SOS1: variants seen among roughly 807,000 people sequenced by gnomAD.
SOS1 encodes SOS Ras/Rac guanine nucleotide exchange factor 1, also known as son of sevenless homolog 1.
Under a neutral mutation model 157.6 loss-of-function variants are expected in SOS1, and 25 were observed. The ratio of observed to expected loss-of-function variants is 0.16; its 90% confidence interval spans 0.12 to 0.22. The LOEUF (loss-of-function observed/expected upper bound fraction) is 0.22. SOS1 is among the 10% of genes least tolerant of loss of function. SOS1 has a pLI of 1.00. For missense variants in SOS1, 1,237 were observed against 1,599.1 expected, an observed-to-expected ratio of 0.77 and a Z score of 3.86; for synonymous variants, 528 against 534.0, an observed-to-expected ratio of 0.99 and a Z score of 0.16.
chr2:39,045,273 A>AGT (rs60673777), intron 6 of SOS1, among the ~76,000 whole-genome samples: 5,437 of 108,084 alleles, frequency 0.05, 164 homozygotes, highest in Admixed American at 0.056. Flanking sequence ...AGAGAGAGAG[A>AGT]GTGTGTGTGT....
chr2:39,035,501 CT>C lies in SOS1; in HGVS notation c.865-2del. 6.3e-7 allele frequency: 1 copy of C among 1,597,362 alleles called. No homozygotes were observed. The highest frequency in any genetic ancestry group is 8.6e-7 in the Non-Finnish European group (1 of 1,164,966). ...ATTCATATGGATCAAATGCCAGTTC[CT>C]TAGAAAATAAAGAAGGTAAAACATA... On this transcript the variant is annotated splice_acceptor_variant, in intron 6 of 22. Coordinates refer to ENST00000402219, the MANE Select transcript of SOS1 (RefSeq NM_005633.4). LOFTEE classifies it high-confidence loss of function.
chr2:38,997,052 A>C lies in SOS1; in HGVS notation c.2965-14T>G. The stretch of plus-strand genomic sequence containing the variant: ...TTCAAAGAACCTCTAAAATAAATGC[A>C]AAGAAAAAATTATTAATATTCAAAA... On this transcript the variant is annotated splice_polypyrimidine_tract_variant and intron_variant, in intron 18 of 22. Coordinates refer to ENST00000402219, the MANE Select transcript of SOS1 (RefSeq NM_005633.4). The C allele has an allele frequency of 7.4e-7, 1 of 1,359,088 alleles. No homozygotes were observed. The highest frequency in any genetic ancestry group is 1.0e-6 in the Non-Finnish European group (1 of 955,272). The allele number at this position is 1,359,088 out of a possible 1,614,324, so 84.2% of individuals were successfully genotyped here.
In SOS1 at chr2:38,985,323, C is replaced by T. The variant is rs954110342; in HGVS notation, c.*501G>A. The T allele has an allele frequency of 2.2e-5, 4 of 182,336 alleles. No homozygotes were observed. Among genetic ancestry groups the T allele is most frequent in the African/African-American group, 7.2e-5 (3 of 41,794 alleles). The allele number at this position is 182,336 out of a possible 1,614,324, so 11.3% of individuals were successfully genotyped here. ...ATTTCAACAAGGTCAGGTACCACAGCCTTTCCTCACAGTCCTTTGAGTGAT... is the reference window on the plus strand; with the variant it reads ...ATTTCAACAAGGTCAGGTACCACAGTCTTTCCTCACAGTCCTTTGAGTGAT... On this transcript the variant is annotated 3_prime_UTR_variant, in exon 23 of 23. Transcript: ENST00000402219.
chr2:39,012,286 T>C lies in SOS1; in HGVS notation c.2230A>G (p.Arg744Gly), dbSNP rs1669494952. 1.2e-6 allele frequency: 2 copies of C among 1,613,530 alleles called. No individual in the cohort carries two copies. Among genetic ancestry groups the C allele is most frequent in the Non-Finnish European group, 1.7e-6 (2 of 1,179,552 alleles). ...TKIIQRKKIA[R>G]DNGPGHNITF... is the part of the protein sequence containing the mutation. The stretch of plus-strand genomic sequence containing the variant: ...ATATTATGACCTGGTCCATTGTCTC[T>C]TGCAATTTTTTTCCTTTGGATTATT... The change falls in exon 14 of 23, where the codon AGA becomes GGA. Residue 744 changes from arginine (R) to glycine (G), a missense_variant. Arg to Gly is a moderately radical substitution (Grantham distance 125). Transcript: ENST00000402219.
rs746996312 is a variant in SOS1, at chr2:39,067,792, A to G, written c.88-39T>C. The G allele has an allele frequency of 1.5e-5, 24 of 1,590,612 alleles. No homozygotes were observed. The African/African-American group carries it at 2.8e-4, about 19-fold the overall frequency. The stretch of plus-strand genomic sequence containing the variant: ...GCAAAGTAATTAAAATGTGGGTTCC[A>G]TATCATTAAACAAATTTTTAAAACT... On this transcript the variant is annotated intron_variant, in intron 1 of 22. Coordinates refer to ENST00000402219, the MANE Select transcript of SOS1 (RefSeq NM_005633.4).
intron 5 of SOS1, 82 bp downstream of exon 5, chr2:39,054,532 G>A: frequency 3.8e-6 from 3 of 799,816 alleles, no homozygotes; most frequent in South Asian, 1.5e-5. Flanking sequence ...TAGTAATGAT[G>A]AACTGTACAA....
chr2:39,022,551 G>A lies in SOS1; in HGVS notation c.1858+19C>T, dbSNP rs749188813. 62 of 1,597,206 alleles carry A rather than the reference G, an allele frequency of 3.9e-5. No individual in the cohort carries two copies. The highest frequency in any genetic ancestry group is 1.2e-5 in the Non-Finnish European group (14 of 1,165,206). On this transcript the variant is annotated intron_variant, in intron 10 of 22. Transcript: ENST00000402219. ...TGAAGCAGGAAAACAAAAGTGACAG[G>A]CAACTGCATAATTCTTACCTGCGTA...
chr2:39,025,491 G>C (rs1014432109), intron 8 of SOS1, among the ~76,000 whole-genome samples: 1 of 151,398 alleles, frequency 6.6e-6, no homozygotes, highest in African/African-American at 2.4e-5. Context: ...CTGCGATTAC[G>C]GGTGTCTGTC....
chr2:38,986,459 T>A, intron 22 of SOS1, 144 bp from the exon 23 acceptor site: 1 of 839,508 alleles, frequency 1.2e-6, no homozygotes, highest in Non-Finnish European at 1.8e-6. Context: ...GTTTTCTTTT[T>A]AATTAAAAAA....
chr2:38,992,737 C>T (rs1668771190), intron 20 of SOS1: 1 of 152,118 alleles, frequency 6.6e-6, no homozygotes, highest in Admixed American at 6.6e-5. Context: ...AGGCCTATAG[C>T]TGTCTGCTCT....
Position 39,120,630 on chromosome 2 carries a change from C to T in SOS1, c.-208G>A, listed in dbSNP as rs1673842860. 2 of 338,008 alleles carry T rather than the reference C, an allele frequency of 5.9e-6. No individual in the cohort carries two copies. Among genetic ancestry groups the T allele is most frequent in the Non-Finnish European group, 8.3e-6 (2 of 240,522 alleles). The allele number at this position is 338,008 out of a possible 1,614,324, so 20.9% of individuals were successfully genotyped here. On this transcript the variant is annotated 5_prime_UTR_variant, in exon 1 of 23. Transcript: ENST00000402219. ...GCCACCCACCCGACACAGGTACCAG[C>T]CGTGGAGAACGGACGCGGCCCGGAG...
intron 1 of SOS1, among the ~76,000 whole-genome samples, chr2:39,103,456 T>C (rs557639991): frequency 2.6e-5 from 4 of 152,088 alleles, no homozygotes; most frequent in Admixed American, 6.5e-5. Context: ...CATAGACATA[T>C]AGACCAACAG....
chr2:39,068,387 T>G (rs1671664314), intron 1 of SOS1, among the ~76,000 whole-genome samples: 1 of 152,202 alleles, frequency 6.6e-6, no homozygotes, highest in Non-Finnish European at 1.5e-5. Context: ...AGGAACCAGT[T>G]AGAACATTTA....
intron 15 of SOS1, 94 bp from the exon 16 acceptor site, chr2:39,007,287 A>AG (rs1005120652): frequency 1.2e-5 from 10 of 842,850 alleles, no homozygotes; most frequent in Non-Finnish European, 2.0e-5. Context: ...TGTAGAGAGT[A>AG]GGGGGGTGGC....
intron 1 of SOS1, among the ~76,000 whole-genome samples, chr2:39,098,787 G>A (rs749295191): frequency 1.1e-4 from 17 of 152,182 alleles, no homozygotes; most frequent in Non-Finnish European, 2.4e-4. Flanking sequence ...TACTCAGGAG[G>A]CTGAGGCAGG....
At chr2:39,090,585 A>T (rs1468259677) in intron 1 of SOS1, among the ~76,000 whole-genome samples, 1 of 152,060 alleles carries the variant, frequency 6.6e-6, no homozygotes, top group Non-Finnish European at 1.5e-5. Context: ...AATCCCAGCT[A>T]CTAGACAGGC....
At chr2:39,032,675 C>G (rs1387560766) in intron 8 of SOS1, among the ~76,000 whole-genome samples, 1 of 152,108 alleles carries the variant, frequency 6.6e-6, no homozygotes, top group Non-Finnish European at 1.5e-5. Flanking sequence ...AAGGAAGGAA[C>G]TCACTCTGGG....
At chr2:39,029,790 T>C (rs1670094044) in intron 8 of SOS1, among the ~76,000 whole-genome samples, 2 of 152,204 alleles carry the variant, frequency 1.3e-5, no homozygotes, top group South Asian at 4.1e-4. Flanking sequence ...TCCAATACCA[T>C]GTAGCTTTGA....
rs1167931335 is a variant in SOS1 at position 38,985,862 on chromosome 2, C to T, written c.3964G>A (p.Asp1322Asn). ...GCATTCTCCAACAGTGGTGGTCCAT[C>T]TCTGTGCATGGATGGGTGTGTGTGC... ...REHTHPSMHR[D>N]GPPLLENAHS... Residue 1322 changes from aspartate (D) to asparagine (N), a missense_variant, in exon 23 of 23, where the codon GAT (aspartate) becomes AAT (asparagine). Transcript: ENST00000402219. The T allele has an allele frequency of 1.9e-6, 3 of 1,613,812 alleles. No homozygotes were observed. The highest frequency in any genetic ancestry group is 1.7e-4 in the Middle Eastern group (1 of 6,052).
Sources: gnomAD v4.1 joint callset for allele counts (sites outside exome capture counted in the v4.1 genomes callset) on GRCh38, gnomAD v4.1.1 for gene constraint, MANE v1.5 for transcripts, NCBI Gene and HGNC (gene_info 2026-07-23, HGNC 2026-07-21) for gene names.